The following CDC42BPG variants were observed in gnomAD, a reference collection of about 807,000 sequenced individuals.
CDC42BPG encodes the protein CDC42 binding protein kinase gamma.
A neutral mutation model predicts 192.2 loss-of-function variants in CDC42BPG; 157 were observed. That is an observed-to-expected ratio of 0.82 (90% CI 0.72 to 0.93). The LOEUF (loss-of-function observed/expected upper bound fraction) is 0.93. CDC42BPG is among the 40% of genes least tolerant of loss of function. The pLI is 0.00. For synonymous variants in CDC42BPG, 981 were observed against 918.5 expected (o/e 1.07, Z -1.23); for missense variants, 1,992 against 2,122.1 (o/e 0.94, Z 1.20).
At chr11:64,825,953 CGA>C (rs1942396295) in intron 36 of CDC42BPG, among the ~76,000 whole-genome samples, 2 of 151,106 alleles carry the variant, frequency 1.3e-5, no homozygotes, top group Non-Finnish European at 2.9e-5. Context: ...GTAATACCAG[CGA>C]CTTGGGAGAG....
chr11:64,834,303 G>A lies in CDC42BPG; in HGVS notation c.2376C>T (p.Ala792=). The A allele has an allele frequency of 6.3e-7, 1 of 1,581,104 alleles. No individual in the cohort carries two copies. Among genetic ancestry groups the A allele is most frequent in the Non-Finnish European group, 8.6e-7 (1 of 1,168,264 alleles). The change falls in exon 20 of 37, where the codon GCC becomes GCT. Residue 792 remains alanine, a synonymous_variant. Transcript: ENST00000342711. The stretch of plus-strand genomic sequence containing the variant: ...GGGCCCGCAGCTCCTCCCGCAGCAT[G>A]GCGAGCTCCTGTTGCAGGGCCTGGC... The part of the protein sequence containing the change: ...KQSQALQQEL[A]MLREELRARG...
Position 64,844,648 on chromosome 11 carries a change from C to A in CDC42BPG, c.-79G>T. ...CCTGTCGGGCCGTCCGTCCGCCCAA[C>A]CGTCTGAGGCTCTGTCCGCGCGTCC... On this transcript the variant is annotated 5_prime_UTR_variant, in exon 1 of 37. Coordinates refer to ENST00000342711, the MANE Select transcript of CDC42BPG (RefSeq NM_017525.3). The A allele has an allele frequency of 1.8e-6, 2 of 1,127,098 alleles. No individual in the cohort carries two copies. The highest frequency in any genetic ancestry group is 2.2e-6 in the Non-Finnish European group (2 of 895,668). The allele number at this position is 1,127,098 out of a possible 1,614,324, so 69.8% of individuals were successfully genotyped here.
chr11:64,834,644 C>T, intron 18 of CDC42BPG, 67 bp from the exon 19 acceptor site: 1 of 1,469,630 alleles, frequency 6.8e-7, no homozygotes, highest in South Asian at 1.4e-5. Context: ...CCCCCTGCTA[C>T]CAGAGCATCC....
At position 64,833,289 on chromosome 11, in the gene CDC42BPG, C is replaced by T. The variant is rs1942791367; in HGVS notation, c.2673G>A (p.Lys891=). The change falls in exon 24 of 37, where the codon AAG becomes AAA. Residue 891 remains lysine, a synonymous_variant. Coordinates refer to ENST00000342711, the MANE Select transcript of CDC42BPG (RefSeq NM_017525.3). ...LRPRSFPSPT[K]CLRCTSLMLG... is the part of the protein sequence containing the mutation. ...GCATCAGCGAGGTGCAGCGGAGACA[C>T]TTGGTCGGGGATGGGAAGCTCCGGG... The T allele has an allele frequency of 6.5e-7, 1 of 1,546,242 alleles. No homozygotes were observed. The highest frequency in any genetic ancestry group is 8.7e-7 in the Non-Finnish European group (1 of 1,145,546).
At chr11:64,836,037 C>T in intron 13 of CDC42BPG, 80 bp downstream of exon 13, 1 of 1,457,848 alleles carries the variant, frequency 6.9e-7, no homozygotes, top group Non-Finnish European at 9.2e-7. Context: ...GGCAGCATCT[C>T]CCACCAAGCT....
chr11:64,842,615 G>A (rs73494283), intron 1 of CDC42BPG, among the ~76,000 whole-genome samples: 23 of 152,278 alleles, frequency 1.5e-4, no homozygotes, highest in African/African-American at 5.3e-4. Flanking sequence ...AGGCCTGACC[G>A]GCTCTCTCAC....
At chr11:64,843,948 G>A (rs572569371) in intron 1 of CDC42BPG, among the ~76,000 whole-genome samples, 1 of 152,304 alleles carries the variant, frequency 6.6e-6, no homozygotes, top group Non-Finnish European at 1.5e-5. Context: ...CAATGCGGTC[G>A]GGGTGGTCTG....
intron 34 of CDC42BPG, 27 bp downstream of exon 34, chr11:64,827,023 G>A: frequency 6.7e-7 from 1 of 1,492,880 alleles, no homozygotes; most frequent in Non-Finnish European, 9.3e-7. Flanking sequence ...CACCAAAGTG[G>A]CTTGTGATTG....
intron 13 of CDC42BPG, 109 bp from the exon 14 acceptor site, chr11:64,835,960 T>G (rs1224223954): frequency 1.5e-6 from 2 of 1,305,102 alleles, no homozygotes; most frequent in East Asian, 5.0e-5. Flanking sequence ...TGAGGAGGCA[T>G]GGACTCCCAG....
rs758063065 is a variant in CDC42BPG, at chr11:64,832,826, C to A, written c.2865G>T (p.Ser955=). 1.3e-6 allele frequency: 2 copies of A among 1,586,460 alleles called. No homozygotes were observed. The highest frequency in any genetic ancestry group is 2.7e-5 in the African/African-American group (2 of 73,836). ...GTGTAYEGFL[S]VPRPSGVRRG... is the part of the protein sequence containing the mutation. ...TTCCCCTCCCTCGGCCCCCACTCAC[C>A]GACAGAAAGCCCTCATAGGCAGTGC... is the stretch of plus-strand genomic sequence containing the variant. The change falls in exon 25 of 37, where the codon TCG becomes TCT. Residue 955 remains serine (S), a splice_region_variant and synonymous_variant. Coordinates refer to ENST00000342711, the MANE Select transcript of CDC42BPG (RefSeq NM_017525.3).
chr11:64,836,705 C>CCGG (rs1192864769), intron 11 of CDC42BPG, 34 bp downstream of exon 11: 16,473 of 338,158 alleles, frequency 0.049, 2,798 homozygotes, highest in Admixed American at 0.058. Context: ...GGACTCAGCC[C>CCGG]TGGGGGGGGG....
At position 64,838,826 on chromosome 11, in the gene CDC42BPG, C is replaced by T. The variant is rs370408295; in HGVS notation, c.953G>A (p.Arg318His). The stretch of plus-strand genomic sequence containing the variant: ...ACCACGGCCTAGCCGCTCTTCCTGG[C>T]GACACAGCAGCTGGCGGATCAGGTC... ...AQDLIRQLLC[R>H]QEERLGRGGL... is the part of the protein sequence containing the mutation. Residue 318 changes from arginine to histidine, a missense_variant, in exon 8 of 37, where the codon CGC becomes CAC. Around this residue, in one of 2 missense-constraint regions of CDC42BPG, gnomAD observed 1,656 missense variants for 1,844.3 expected, o/e 0.90. Transcript: ENST00000342711. 1.6e-5 allele frequency: 26 copies of T among 1,612,516 alleles called. No individual in the cohort carries two copies. The highest frequency in any genetic ancestry group is 1.3e-4 in the African/African-American group (10 of 74,960).
chr11:64,833,344 G>C lies in CDC42BPG; in HGVS notation c.2626-8C>G, dbSNP rs1250692294. The stretch of plus-strand genomic sequence containing the variant: ...CAGCGTGTGTGAGCCGGGCTGGGGA[G>C]GGGGACAGCCATTACCCAAGGCCTC... On this transcript the variant is annotated splice_polypyrimidine_tract_variant and splice_region_variant and intron_variant, in intron 23 of 36. Coordinates refer to ENST00000342711, the MANE Select transcript of CDC42BPG (RefSeq NM_017525.3). The C allele has an allele frequency of 7.1e-7, 1 of 1,409,402 alleles. No homozygotes were observed. 87.3% of individuals were successfully genotyped at this position (1,409,402 alleles called of 1,614,324 possible).
intron 36 of CDC42BPG, 102 bp downstream of exon 36, chr11:64,826,368 C>T: frequency 2.5e-6 from 2 of 809,654 alleles, no homozygotes; most frequent in Admixed American, 4.2e-5. Context: ...CAGGGATGGG[C>T]TCAGCTTGTT....
At position 64,830,024 on chromosome 11, in the gene CDC42BPG, C is replaced by A; in HGVS notation, c.3414G>T (p.Leu1138Phe). The A allele has an allele frequency of 6.2e-7, 1 of 1,612,488 alleles. No homozygotes were observed. Among genetic ancestry groups the A allele is most frequent in the Non-Finnish European group, 8.5e-7 (1 of 1,179,360 alleles). Residue 1138 changes from leucine (L) to phenylalanine (F), a missense_variant, in exon 30 of 37, where the codon TTG (leucine) becomes TTT (phenylalanine). By Grantham distance (22) the Leu-to-Phe change is conservative. Around this residue, in one of 2 missense-constraint regions of CDC42BPG, gnomAD observed 1,656 missense variants for 1,844.3 expected, o/e 0.90. Transcript: ENST00000342711. ...GECRRVQQLT[L>F]SPSAGLLVVL... The stretch of plus-strand genomic sequence containing the variant: ...CGACCAGCAGGCCTGCACTGGGGCT[C>A]AAGGTCAGCTGCTGCACGCGCCGGC...
rs1469400749 is a variant in CDC42BPG, at chr11:64,835,843, G to A, written c.1677C>T (p.Ala559=). The change falls in exon 14 of 37, where the codon GCC becomes GCT. Residue 559 remains alanine (A), a synonymous_variant. Transcript: ENST00000342711. Reference sequence around the variant, plus strand: ...CCTGCCGGCTCAGGGAGGACACCTGGGCCTCCAGCTGTGAGGGGTGCAGAG... The same window carrying A: ...CCTGCCGGCTCAGGGAGGACACCTGAGCCTCCAGCTGTGAGGGGTGCAGAG... ...EARAAQRELE[A]QVSSLSRQVT... 8.1e-6 allele frequency: 13 copies of A among 1,610,936 alleles called. No homozygotes were observed. In the African/African-American group the frequency reaches 1.3e-4, roughly 17 times the overall value.
chr11:64,834,523 C>T lies in CDC42BPG; in HGVS notation c.2230G>A (p.Glu744Lys), dbSNP rs545901026. The T allele has an allele frequency of 1.4e-5, 22 of 1,583,818 alleles. No individual in the cohort carries two copies. The East Asian group carries it at 4.8e-4, about 35-fold the overall frequency. Residue 744 changes from glutamate to lysine, a missense_variant, in exon 19 of 37, where the codon GAG becomes AAG. By Grantham distance (56) the Glu-to-Lys change is moderately conservative. Transcript: ENST00000342711. ...LQKMEASARLELQSALEAEIR... is the reference protein window; with the variant it reads ...LQKMEASARLKLQSALEAEIR... ...TCGGCCTCCAGCGCTGACTGCAGCT[C>T]CAGCCTGGCCGAGGCCTCCATCTTC...
intron 13 of CDC42BPG, 103 bp downstream of exon 13, chr11:64,836,014 G>A: frequency 2.1e-6 from 3 of 1,398,316 alleles, no homozygotes; most frequent in South Asian, 1.4e-5. Context: ...GCCTCTGCCA[G>A]CTACAACCGG....
Position 64,827,861 on chromosome 11 carries a change from G to GT in CDC42BPG, c.3968-79dup, listed in dbSNP as rs1227874816. 3.6e-5 allele frequency: 45 copies of GT among 1,245,816 alleles called. No homozygotes were observed. The Middle Eastern group carries it at 5.8e-4, about 16-fold the overall frequency. 77.2% of individuals were successfully genotyped at this position (1,245,816 alleles called of 1,614,324 possible). On this transcript the variant is annotated intron_variant, in intron 30 of 36. Transcript: ENST00000342711. ...ACACCTTGTCCCCTGCCACAGCACAGTAACTACCATGCCCCACGCTAAGGT... is the reference window on the plus strand; with the variant it reads ...ACACCTTGTCCCCTGCCACAGCACAGTTAACTACCATGCCCCACGCTAAGGT...
Sources: gnomAD v4.1 joint callset for allele counts (sites outside exome capture counted in the v4.1 genomes callset) on GRCh38, gnomAD v4.1.1 for gene constraint, gnomAD v4.1.1 regional missense constraint, MANE v1.5 for transcripts, NCBI Gene and HGNC (gene_info 2026-07-23, HGNC 2026-07-21) for gene names.